The following CCDC73 variants were observed in gnomAD, a reference collection of about 807,000 sequenced individuals.
The protein encoded by CCDC73 is coiled-coil domain containing 73.
In CCDC73, 95 loss-of-function variants were observed where a neutral mutation model predicts 116.5. That is an observed-to-expected ratio of 0.82 (90% CI 0.69 to 0.97). CCDC73 has a LOEUF of 0.97. Ranked by LOEUF, CCDC73 falls within the 50% of genes least tolerant of loss-of-function variation. The pLI, the probability that CCDC73 is intolerant of heterozygous loss-of-function variation, is 0.00. For missense variants in CCDC73, 1,066 were observed against 1,206.8 expected (o/e 0.88, Z 1.73); for synonymous variants, 398 against 401.3 (o/e 0.99, Z 0.10).
At chr11:32,692,049 C>CAA (rs1173539877) in intron 6 of CCDC73, among the ~76,000 whole-genome samples, 1,166 of 59,764 alleles carry the variant, frequency 0.02, 31 homozygotes, top group African/African-American at 0.048. Context: ...CTCCGTCTCA[C>CAA]AAAAAAAAAA....
chr11:32,813,895 C>G, the CCDC73 span, among the ~76,000 whole-genome samples: 1 of 152,094 alleles, frequency 6.6e-6, no homozygotes, highest in South Asian at 2.1e-4. Context: ...TTTACTTTTC[C>G]AATCGATTTT....
At chr11:32,776,646 T>C (rs1343119322) in intron 1 of CCDC73, among the ~76,000 whole-genome samples, 2 of 152,026 alleles carry the variant, frequency 1.3e-5, no homozygotes, top group African/African-American at 4.8e-5. Context: ...AACCCTTCCA[T>C]TTTCTAAATC....
intron 2 of CCDC73, among the ~76,000 whole-genome samples, chr11:32,746,992 G>C (rs540705303): frequency 6.6e-6 from 1 of 152,252 alleles, no homozygotes; most frequent in South Asian, 2.1e-4. Flanking sequence ...TGTTCCTTTG[G>C]AGGAGAAGAG....
chr11:32,693,615 G>A (rs558780360), intron 6 of CCDC73, among the ~76,000 whole-genome samples: 50 of 152,208 alleles, frequency 3.3e-4, no homozygotes, highest in Non-Finnish European at 3.5e-4. Context: ...ACAACAAAAA[G>A]AGGGAATTTT....
rs1418138357 is a variant in CCDC73, at chr11:32,722,901, G to C, written c.136-4754C>G. 2.0e-5 allele frequency among the ~76,000 whole-genome samples: 3 copies of C among 152,160 alleles called. No homozygotes were observed. The East Asian group carries it at 5.8e-4, about 29-fold the overall frequency. ...TTTTATACATAAGGAACCTGAGATA[G>C]CAAGAGGGTAAATAGCTTGGCTAAA... On this transcript the variant is annotated intron_variant, in intron 2 of 17. Transcript: ENST00000335185.
intron 6 of CCDC73, among the ~76,000 whole-genome samples, chr11:32,698,670 TG>T (rs1281545362): frequency 6.6e-6 from 1 of 152,234 alleles, no homozygotes; most frequent in East Asian, 1.9e-4. Flanking sequence ...TTTTACTTTT[TG>T]TCTTCCCCAC....
At chr11:32,698,306 G>A (rs1369389875) in intron 6 of CCDC73, among the ~76,000 whole-genome samples, 1 of 152,000 alleles carries the variant, frequency 6.6e-6, no homozygotes, top group South Asian at 2.1e-4. Flanking sequence ...TTACAGGCAT[G>A]AGCCACCACG....
the CCDC73 span, chr11:32,830,120 C>T: frequency 3.0e-6 from 3 of 996,332 alleles, no homozygotes; most frequent in Non-Finnish European, 3.6e-6. Flanking sequence ...AAGGAACCGC[C>T]CCAAGAAGAG....
At chr11:32,798,700 C>T (rs1458679537), upstream of CCDC73, among the ~76,000 whole-genome samples, 7 of 152,198 alleles carry the variant, frequency 4.6e-5, no homozygotes, top group African/African-American at 1.7e-4. Flanking sequence ...AAGATATTTT[C>T]AGTGGCTAAT....
intron 2 of CCDC73, among the ~76,000 whole-genome samples, chr11:32,754,188 C>T (rs1202007118): frequency 6.6e-6 from 1 of 152,088 alleles, no homozygotes; most frequent in African/African-American, 2.4e-5. Context: ...CTCTAAAAAC[C>T]ACTGCATTAG....
At chr11:32,812,581 A>T in the CCDC73 span, among the ~76,000 whole-genome samples, 1 of 152,006 alleles carries the variant, frequency 6.6e-6, no homozygotes, top group Non-Finnish European at 1.5e-5. Flanking sequence ...AGGCAGGAGA[A>T]TCACTTGAAC....
intron 12 of CCDC73, among the ~76,000 whole-genome samples, chr11:32,646,431 T>C (rs924377859): frequency 1.3e-5 from 2 of 152,236 alleles, no homozygotes; most frequent in Non-Finnish European, 2.9e-5. Context: ...TGAGACCCTA[T>C]ATGTCTGAAG....
intron 14 of CCDC73, among the ~76,000 whole-genome samples, chr11:32,623,155 TG>T (rs1855538462): frequency 6.6e-6 from 1 of 151,994 alleles, no homozygotes; most frequent in Admixed American, 6.6e-5. Flanking sequence ...ATTACAGGCA[TG>T]CCCCCACATG....
intron 13 of CCDC73, 74 bp from the exon 14 acceptor site, chr11:32,635,904 TAAC>T: frequency 1.1e-6 from 1 of 899,618 alleles, no homozygotes; most frequent in Non-Finnish European, 1.4e-6. Context: ...AATATTTCAT[TAAC>T]AAAAGTTTCA....
At chr11:32,753,514 G>C (rs192522712) in intron 2 of CCDC73, among the ~76,000 whole-genome samples, 1 of 151,888 alleles carries the variant, frequency 6.6e-6, no homozygotes, top group Non-Finnish European at 1.5e-5. Context: ...GCCCAGGCTG[G>C]AGTGCAGTGA....
chr11:32,605,019 A>G (rs1005833899), intron 17 of CCDC73: 3 of 151,810 alleles, frequency 2.0e-5, no homozygotes, highest in African/African-American at 7.3e-5. Context: ...TGCCCAGCTA[A>G]TTTTTTGTAT....
At chr11:32,762,247 T>C (rs1230980492) in intron 1 of CCDC73, among the ~76,000 whole-genome samples, 1 of 152,082 alleles carries the variant, frequency 6.6e-6, no homozygotes. Context: ...AAATTCTAAA[T>C]AAAACATTTT....
At chr11:32,729,842 T>C (rs555504525) in intron 2 of CCDC73, among the ~76,000 whole-genome samples, 1 of 152,330 alleles carries the variant, frequency 6.6e-6, no homozygotes, top group East Asian at 1.9e-4. Context: ...AGTATCTATT[T>C]GCTTATTTGT....
chr11:32,792,939 G>C (rs1044525987), intron 1 of CCDC73, among the ~76,000 whole-genome samples: 1 of 152,130 alleles, frequency 6.6e-6, no homozygotes, highest in African/African-American at 2.4e-5. Flanking sequence ...TCCAGCCCCT[G>C]GCGTGTAATA....
Sources: allele counts gnomAD v4.1 joint callset (sites outside exome capture counted in the v4.1 genomes callset), GRCh38; gene constraint gnomAD v4.1.1; transcripts MANE v1.5; gene names NCBI Gene and HGNC (gene_info 2026-07-23, HGNC 2026-07-21).